Variants in GPC4 observed in about 807,000 individuals in gnomAD.
GPC4 encodes glypican 4, also known as glypican-4.
Under a neutral mutation model 35.0 loss-of-function variants are expected in GPC4, and 10 were observed. That is an observed-to-expected ratio of 0.29 (90% CI 0.18 to 0.48). GPC4 has a LOEUF of 0.48. GPC4 is among the 20% of genes least tolerant of loss of function. The pLI is 0.99. For missense variants in GPC4, 322 were observed against 451.3 expected (o/e 0.71, Z 2.60); for synonymous variants, 167 against 170.2 (o/e 0.98, Z 0.15).
Position 133,311,318 on chromosome X carries a change from T to C in GPC4, c.817A>G (p.Ile273Val), listed in dbSNP as rs144650030. 36 of 1,210,376 alleles carry C rather than the reference T, an allele frequency of 3.0e-5. No homozygotes were observed. The African/African-American group carries it at 5.4e-4, about 18-fold the overall frequency. Residue 273 changes from isoleucine to valine, a missense_variant, in exon 4 of 9, where the codon ATC (isoleucine) becomes GTC (valine). Ile to Val is a conservative substitution (Grantham distance 29). This residue lies in a region of GPC4 where 163 missense variants were observed against 277.2 expected (regional missense o/e 0.59). Coordinates refer to ENST00000370828, the MANE Select transcript of GPC4 (RefSeq NM_001448.3). ...VKPCYNYCSN[I>V]MRGCLANQGD... is the part of the protein sequence containing the mutation. ...TGGTTGGCCAAACAGCCTCTCATGA[T>C]GTTTGAGCAGTAGTTGTAACATGGC...
intron 1 of GPC4, among the ~76,000 whole-genome samples, chrX:133,413,775 TAAG>T (rs1031229008): frequency 8.9e-6 from 1 of 112,067 alleles, no homozygotes; most frequent in Admixed American, 9.4e-5. Flanking sequence ...TGGCCGCTGC[TAAG>T]AAGACAGTGC....
At chrX:133,314,580 C>T (rs2068328620) in intron 3 of GPC4, among the ~76,000 whole-genome samples, 1 of 111,050 alleles carries the variant, frequency 9.0e-6, no homozygotes, top group African/African-American at 3.3e-5. Flanking sequence ...GCTAGGGAAA[C>T]ACTAAATAAT....
rs150458079 is a variant in GPC4 at position 133,310,299 on chromosome X, G to C, written c.877+959C>G. ...ATTATGCAAAGGTGACTAGGGTGGG[G>C]AAAAATGTGAGTTTCTTTTTGTGAG... On this transcript the variant is annotated intron_variant, in intron 4 of 8. Transcript: ENST00000370828. Among the ~76,000 whole-genome samples, 584 of 111,946 alleles carry C rather than the reference G, an allele frequency of 5.2e-3. 5 individuals are homozygous for C. The highest frequency in any genetic ancestry group is 0.018 in the African/African-American group (561 of 30,863).
intron 1 of GPC4, among the ~76,000 whole-genome samples, chrX:133,359,880 T>C (rs908188417): frequency 1.3e-4 from 14 of 111,189 alleles, no homozygotes; most frequent in African/African-American, 4.3e-4. Flanking sequence ...TGCCCGAGAC[T>C]GGTGCTTGTC....
intron 1 of GPC4, among the ~76,000 whole-genome samples, chrX:133,359,026 G>A (rs779592888): frequency 4.2e-4 from 47 of 111,560 alleles, no homozygotes; most frequent in African/African-American, 6.8e-4. Flanking sequence ...GGGATGGAGG[G>A]GGGAAGGGAA....
At chrX:133,334,267 G>A (rs757457657) in intron 2 of GPC4, among the ~76,000 whole-genome samples, 1 of 112,020 alleles carries the variant, frequency 8.9e-6, no homozygotes, top group African/African-American at 3.2e-5. Flanking sequence ...TTCGTGCCCT[G>A]CCTCTGTGAA....
At chrX:133,315,140 G>A (rs1331978776) in intron 3 of GPC4, among the ~76,000 whole-genome samples, 1 of 103,494 alleles carries the variant, frequency 9.7e-6, no homozygotes, top group African/African-American at 3.5e-5. Context: ...TGGAATATTT[G>A]CATTATAATT....
intron 1 of GPC4, among the ~76,000 whole-genome samples, chrX:133,388,952 C>CTTTTTT (rs759257116): frequency 3.7e-5 from 2 of 53,467 alleles, no homozygotes; most frequent in African/African-American, 6.8e-5. Context: ...TACCCATAGC[C>CTTTTTT]TTTTTTTTTT....
intron 1 of GPC4, among the ~76,000 whole-genome samples, chrX:133,385,393 G>C (rs1476355016): frequency 8.9e-6 from 1 of 112,158 alleles, no homozygotes; most frequent in African/African-American, 3.2e-5. Flanking sequence ...TAAACATCGG[G>C]AACAGTCAAA....
At chrX:133,310,022 G>A (rs1307945788) in intron 4 of GPC4, among the ~76,000 whole-genome samples, 4 of 111,552 alleles carry the variant, frequency 3.6e-5, no homozygotes, top group African/African-American at 1.3e-4. Flanking sequence ...TTGTGCTGAA[G>A]TGCTTAATAT....
chrX:133,318,165 T>A (rs1372854253), intron 3 of GPC4, among the ~76,000 whole-genome samples: 3 of 111,937 alleles, frequency 2.7e-5, no homozygotes, highest in Non-Finnish European at 5.6e-5. Flanking sequence ...ATAGCTTGAG[T>A]CCCATCTTCC....
At chrX:133,400,315 C>G (rs2068763082) in intron 1 of GPC4, among the ~76,000 whole-genome samples, 1 of 112,269 alleles carries the variant, frequency 8.9e-6, no homozygotes, top group Non-Finnish European at 1.9e-5. Context: ...AGCACTACTC[C>G]TAGAAAATGA....
In GPC4 at chrX:133,343,786, T is replaced by TA. The variant is rs1360688004; in HGVS notation, c.161-4446dup. Among the ~76,000 whole-genome samples the TA allele has an allele frequency of 2.7e-5, 3 of 111,868 alleles. No homozygotes were observed. In the Admixed American group the frequency reaches 2.8e-4, roughly 11 times the overall value. ...CTATGTAATTTCTCTTTAGTCTTAA[T>TA]ATCAATGCCTTAGTTTTCAAAGCTG... On this transcript the variant is annotated intron_variant, in intron 1 of 8. Coordinates refer to ENST00000370828, the MANE Select transcript of GPC4 (RefSeq NM_001448.3).
At chrX:133,345,230 C>T (rs1428462644) in intron 1 of GPC4, among the ~76,000 whole-genome samples, 1 of 112,023 alleles carries the variant, frequency 8.9e-6, no homozygotes, top group East Asian at 2.8e-4. Flanking sequence ...TTGGTAAAGA[C>T]TCTTGGGAAA....
At chrX:133,407,976 A>G (rs1345017324) in intron 1 of GPC4, among the ~76,000 whole-genome samples, 1 of 112,217 alleles carries the variant, frequency 8.9e-6, no homozygotes. Flanking sequence ...TTTTTCCCCT[A>G]ATTTCTAACA....
rs572563008 is a variant in GPC4 at position 133,389,230 on chromosome X, A to G, written c.160+25576T>C. On this transcript the variant is annotated intron_variant, in intron 1 of 8. Transcript: ENST00000370828. ...CACTTCAGCCTTCCAAACTGCTGGG[A>G]TTACAGGCATGAACCACCACACCCA... 2.2e-4 allele frequency among the ~76,000 whole-genome samples: 25 copies of G among 111,296 alleles called. No individual in the cohort carries two copies. In the South Asian group the frequency reaches 8.0e-3, roughly 36 times the overall value.
chrX:133,302,566 C>A lies in GPC4; in HGVS notation c.*301G>T, dbSNP rs1603053023. On this transcript the variant is annotated 3_prime_UTR_variant, in exon 9 of 9. Transcript: ENST00000370828. ...ACCCACAAACGAAATGAGAAAAAAA[C>A]ATACAAACAAATAATAGAGTGATAA... The A allele has an allele frequency of 4.5e-6, 1 of 222,281 alleles. No homozygotes were observed. Among genetic ancestry groups the A allele is most frequent in the Admixed American group, 6.6e-5 (1 of 15,131 alleles). 18.3% of individuals were successfully genotyped at this position (222,281 alleles called of 1,213,427 possible).
chrX:133,401,034 G>A, intron 1 of GPC4, among the ~76,000 whole-genome samples: 1 of 111,290 alleles, frequency 9.0e-6, no homozygotes, highest in Non-Finnish European at 1.9e-5. Context: ...TCTGGCAGCA[G>A]GGTGTTCAAG....
chrX:133,318,951 G>C (rs1488720822), intron 3 of GPC4, among the ~76,000 whole-genome samples: 1 of 112,083 alleles, frequency 8.9e-6, no homozygotes, highest in Non-Finnish European at 1.9e-5. Flanking sequence ...CAACTATGAA[G>C]TGTCTTTCTC....
Sources: allele counts gnomAD v4.1 joint callset (sites outside exome capture counted in the v4.1 genomes callset), GRCh38; gene constraint gnomAD v4.1.1; regional missense constraint gnomAD v4.1.1; transcripts MANE v1.5; gene names NCBI Gene and HGNC (gene_info 2026-07-23, HGNC 2026-07-21).